Variants in NELL2 observed in about 807,000 individuals in gnomAD.
NELL2 encodes neural EGFL like 2.
Under a neutral mutation model 109.6 loss-of-function variants are expected in NELL2, and 41 were observed. The ratio of observed to expected loss-of-function variants is 0.37; its 90% confidence interval spans 0.29 to 0.49. The LOEUF is 0.49. Among genes scored for constraint, NELL2 ranks in the 20% least tolerant of loss-of-function variants. The pLI is 0.98. For synonymous variants in NELL2, 355 were observed against 344.7 expected (o/e 1.03, Z -0.33); for missense variants, 900 against 1,008.3 (o/e 0.89, Z 1.45).
intron 13 of NELL2, among the ~76,000 whole-genome samples, chr12:44,617,750 A>G (rs1233812633): frequency 6.6e-6 from 1 of 151,622 alleles, no homozygotes; most frequent in Non-Finnish European, 1.5e-5. Flanking sequence ...TAAAGGATGA[A>G]AGTAAAATTG....
At chr12:44,629,874 T>C (rs901055114) in intron 13 of NELL2, among the ~76,000 whole-genome samples, 3 of 152,200 alleles carry the variant, frequency 2.0e-5, no homozygotes, top group African/African-American at 4.8e-5. Flanking sequence ...CAGAATATCA[T>C]CTTGCCCTAG....
intron 2 of NELL2, among the ~76,000 whole-genome samples, chr12:44,845,833 T>C (rs1218773679): frequency 6.6e-6 from 1 of 152,190 alleles, no homozygotes; most frequent in Admixed American, 6.5e-5. Flanking sequence ...CTGAAGAGCC[T>C]GAAGCAGCAA....
intron 1 of NELL2, among the ~76,000 whole-genome samples, chr12:44,908,424 A>T (rs1945744297): frequency 6.6e-6 from 1 of 152,024 alleles, no homozygotes; most frequent in South Asian, 2.1e-4. Context: ...CTGGAAAGAT[A>T]AGAGTTTGTA....
At chr12:44,608,419 C>A (rs1945485709) in intron 14 of NELL2, among the ~76,000 whole-genome samples, 1 of 151,974 alleles carries the variant, frequency 6.6e-6, no homozygotes, top group Non-Finnish European at 1.5e-5. Flanking sequence ...GAGTAATTTG[C>A]AAGGTTGCAG....
intron 13 of NELL2, among the ~76,000 whole-genome samples, chr12:44,621,556 C>T (rs1946061193): frequency 6.6e-6 from 1 of 152,052 alleles, no homozygotes; most frequent in African/African-American, 2.4e-5. Flanking sequence ...AAAATATGAC[C>T]ATTCAAACCA....
At chr12:44,677,808 C>G (rs1948366831) in intron 12 of NELL2, among the ~76,000 whole-genome samples, 1 of 152,012 alleles carries the variant, frequency 6.6e-6, no homozygotes, top group Admixed American at 6.6e-5. Flanking sequence ...TCTTTTTTAA[C>G]TAAACAACTG....
intron 13 of NELL2, among the ~76,000 whole-genome samples, chr12:44,650,654 C>T (rs1461204977): frequency 6.6e-6 from 1 of 152,052 alleles, no homozygotes; most frequent in African/African-American, 2.4e-5. Flanking sequence ...AGAGATGGGG[C>T]CTTTCAGGAA....
chr12:44,738,322 A>C (rs1028141777), intron 9 of NELL2, among the ~76,000 whole-genome samples: 2 of 152,164 alleles, frequency 1.3e-5, no homozygotes, highest in Non-Finnish European at 2.9e-5. Flanking sequence ...AAAGATATGA[A>C]ATCAATCTCT....
At chr12:44,876,383 C>T (rs192084125), upstream of NELL2, 2,678 of 1,232,934 alleles carry the variant, frequency 2.2e-3, 50 homozygotes, top group African/African-American at 0.038. Context: ...CCGGGGGAGG[C>T]GGGGTAAGGA....
At chr12:44,704,188 T>C (rs989449779) in intron 11 of NELL2, among the ~76,000 whole-genome samples, 2 of 152,100 alleles carry the variant, frequency 1.3e-5, no homozygotes, top group African/African-American at 2.4e-5. Context: ...ATTTATAATA[T>C]AGAAGATAAC....
chr12:44,658,673 G>A (rs1274224485), intron 13 of NELL2, among the ~76,000 whole-genome samples: 1 of 151,804 alleles, frequency 6.6e-6, no homozygotes, highest in Non-Finnish European at 1.5e-5. Flanking sequence ...TCAGGAGATC[G>A]AGACCATCCT....
intron 15 of NELL2, among the ~76,000 whole-genome samples, chr12:44,550,476 A>G (rs1166280665): frequency 2.0e-5 from 3 of 150,460 alleles, no homozygotes; most frequent in Non-Finnish European, 4.4e-5. Context: ...CCCGAGAGGT[A>G]GAGGTTGCAG....
At chr12:44,746,174 C>T (rs1291363270) in intron 9 of NELL2, among the ~76,000 whole-genome samples, 1 of 152,094 alleles carries the variant, frequency 6.6e-6, no homozygotes, top group Non-Finnish European at 1.5e-5. Context: ...CTTTGACAAA[C>T]CTGACAAAAA....
chr12:44,769,673 A>G (rs1300544559), intron 9 of NELL2, among the ~76,000 whole-genome samples: 1 of 152,174 alleles, frequency 6.6e-6, no homozygotes, highest in Non-Finnish European at 1.5e-5. Flanking sequence ...GAATTATTCT[A>G]TGAGTACTAT....
At chr12:44,885,651 G>A (rs757487851) in intron 1 of NELL2, among the ~76,000 whole-genome samples, 1 of 151,828 alleles carries the variant, frequency 6.6e-6, no homozygotes, top group African/African-American at 2.4e-5. Flanking sequence ...TGGATAAAAA[G>A]ATCTACGTGC....
intron 2 of NELL2, among the ~76,000 whole-genome samples, chr12:44,873,178 T>C (rs547687685): frequency 3.3e-5 from 5 of 152,164 alleles, no homozygotes; most frequent in Non-Finnish European, 7.4e-5. Flanking sequence ...GTCCATAATT[T>C]GGCAGAAAAT....
intron 3 of NELL2, among the ~76,000 whole-genome samples, chr12:44,808,665 T>C (rs1222826438): frequency 2.0e-5 from 3 of 152,030 alleles, no homozygotes; most frequent in Non-Finnish European, 2.9e-5. Context: ...ATTTCTTCCA[T>C]AATAAACAAA....
In NELL2 at chr12:44,648,330, T is replaced by G. The variant is rs1947171354; in HGVS notation, c.1444+17154A>C. 7.2e-5 allele frequency among the ~76,000 whole-genome samples: 11 copies of G among 152,300 alleles called. No homozygotes were observed. The South Asian group carries it at 2.3e-3, about 32-fold the overall frequency. The stretch of plus-strand genomic sequence containing the variant: ...GCCCAAAAAAGCTAAGACCTTTAGT[T>G]CGCCCCAGGTTAAGGGGGCTGGATC... On this transcript the variant is annotated intron_variant, in intron 13 of 19. Transcript: ENST00000429094.
intron 12 of NELL2, among the ~76,000 whole-genome samples, chr12:44,691,915 C>T (rs1357361749): frequency 6.6e-6 from 1 of 152,156 alleles, no homozygotes; most frequent in Non-Finnish European, 1.5e-5. Context: ...AAGAAGCCAT[C>T]TCTATAGCAG....
Sources: allele counts gnomAD v4.1 joint callset (sites outside exome capture counted in the v4.1 genomes callset), GRCh38; gene constraint gnomAD v4.1.1; transcripts MANE v1.5; gene names NCBI Gene and HGNC (gene_info 2026-07-23, HGNC 2026-07-21).